Variants in HNF4G observed in about 807,000 individuals in gnomAD.
HNF4G encodes the protein hepatocyte nuclear factor 4-gamma.
Under a neutral mutation model 50.9 loss-of-function variants are expected in HNF4G, and 21 were observed. The ratio of observed to expected loss-of-function variants is 0.41; its 90% CI spans 0.29 to 0.59. The LOEUF is 0.59. Among genes scored for constraint, HNF4G ranks in the 20% least tolerant of loss-of-function variants. The pLI is 0.26. For synonymous variants in HNF4G, 198 were observed against 185.6 expected, an observed-to-expected ratio of 1.07 and a Z score of -0.54; for missense variants, 527 against 559.4, an observed-to-expected ratio of 0.94 and a Z score of 0.58.
At chr8:75,541,150 A>G (rs1371973277) in intron 1 of HNF4G, among the ~76,000 whole-genome samples, 1 of 152,108 alleles carries the variant, frequency 6.6e-6, no homozygotes, top group African/African-American at 2.4e-5. Flanking sequence ...TTTCATCAGA[A>G]TCCTGAATTT....
intron 2 of HNF4G, among the ~76,000 whole-genome samples, chr8:75,518,620 T>A (rs1165412558): frequency 6.6e-6 from 1 of 152,188 alleles, no homozygotes; most frequent in Non-Finnish European, 1.5e-5. Context: ...AGTTTGGGAC[T>A]TGCACACTCT....
At position 75,551,788 on chromosome 8, in the gene HNF4G, G is replaced by A. The variant is rs114338080; in HGVS notation, c.489+294G>A. Among the ~76,000 whole-genome samples the A allele has an allele frequency of 6.7e-3, 1,018 of 152,280 alleles. 11 individuals carry two copies. Among genetic ancestry groups the A allele is most frequent in the African/African-American group, 0.023 (959 of 41,568 alleles). ...AAAATAATGAATAGCACAAAGCTCT[G>A]TAGGCAGTATTTTATTTTATTGATG... On this transcript the variant is annotated intron_variant, in intron 4 of 9. Coordinates refer to ENST00000396423, the MANE Select transcript of HNF4G (RefSeq NM_004133.5).
At chr8:75,426,134 A>G (rs147190195) in intron 1 of HNF4G, among the ~76,000 whole-genome samples, 9 of 152,334 alleles carry the variant, frequency 5.9e-5, no homozygotes, top group African/African-American at 9.6e-5. Flanking sequence ...TTCTTTCCGT[A>G]TAAGCTTACT....
At chr8:75,520,715 A>C (rs1806016311) in intron 2 of HNF4G, among the ~76,000 whole-genome samples, 1 of 152,010 alleles carries the variant, frequency 6.6e-6, no homozygotes, top group African/African-American at 2.4e-5. Flanking sequence ...TGGGATTACA[A>C]GTGTGCACCA....
intron 2 of HNF4G, among the ~76,000 whole-genome samples, chr8:75,502,164 T>A (rs754480138): frequency 6.6e-6 from 1 of 152,200 alleles, no homozygotes; most frequent in Non-Finnish European, 1.5e-5. Context: ...AAGTCTATGT[T>A]CTTGGTGATT....
chr8:75,470,324 C>T (rs1484349147), intron 1 of HNF4G, among the ~76,000 whole-genome samples: 1 of 152,200 alleles, frequency 6.6e-6, no homozygotes, highest in African/African-American at 2.4e-5. Flanking sequence ...AAAATATAAT[C>T]ACTGTTCTTG....
intron 1 of HNF4G, among the ~76,000 whole-genome samples, chr8:75,483,041 T>G (rs1412896327): frequency 1.3e-5 from 2 of 152,192 alleles, no homozygotes; most frequent in Non-Finnish European, 2.9e-5. Context: ...TGAACACTTT[T>G]AAACTCAATG....
chr8:75,499,488 C>T (rs1181601234), intron 2 of HNF4G, among the ~76,000 whole-genome samples: 3 of 151,894 alleles, frequency 2.0e-5, no homozygotes, highest in African/African-American at 4.8e-5. Flanking sequence ...ATAGTCCTAA[C>T]AAAATTCCAG....
At chr8:75,473,081 G>T (rs540938778) in intron 1 of HNF4G, among the ~76,000 whole-genome samples, 1 of 152,026 alleles carries the variant, frequency 6.6e-6, no homozygotes, top group Non-Finnish European at 1.5e-5. Flanking sequence ...AGGCCGAGGC[G>T]GGTGGATCAC....
At chr8:75,459,621 C>A (rs373729394) in intron 1 of HNF4G, among the ~76,000 whole-genome samples, 1 of 152,256 alleles carries the variant, frequency 6.6e-6, no homozygotes, top group East Asian at 1.9e-4. Flanking sequence ...GACAAGTGAA[C>A]TCTGCTATAT....
chr8:75,543,889 C>A lies in HNF4G; in HGVS notation c.197C>A (p.Ala66Glu). ...NCLCAICGDR[A>E]TGKHYGASSC... is the part of the protein sequence containing the mutation. ...CTGTGTGCTATCTGTGGGGACAGAG[C>A]AACAGGAAAACACTATGGGGCATCC... The change falls in exon 2 of 10, where the codon GCA (alanine) becomes GAA (glutamate). Residue 66 changes from alanine (A) to glutamate (E), a missense_variant. Around this residue, in one of 5 missense-constraint regions of HNF4G, gnomAD observed 84 missense variants for 87.1 expected, o/e 0.96. Transcript: ENST00000396423. 1 of 1,613,704 alleles carries A rather than the reference C, an allele frequency of 6.2e-7. No individual in the cohort carries two copies. Among genetic ancestry groups the A allele is most frequent in the Non-Finnish European group, 8.5e-7 (1 of 1,179,782 alleles).
At chr8:75,515,714 A>G (rs758967178) in intron 2 of HNF4G, among the ~76,000 whole-genome samples, 1 of 152,004 alleles carries the variant, frequency 6.6e-6, no homozygotes, top group Non-Finnish European at 1.5e-5. Context: ...TTTTTCTTCT[A>G]TTTGGGGCCC....
intron 1 of HNF4G, among the ~76,000 whole-genome samples, chr8:75,465,291 G>C (rs1212004277): frequency 1.3e-5 from 2 of 152,062 alleles, no homozygotes; most frequent in Non-Finnish European, 2.9e-5. Flanking sequence ...CATAAATCAT[G>C]GTTGTCAACT....
intron 1 of HNF4G, among the ~76,000 whole-genome samples, chr8:75,481,632 A>C (rs1394881844): frequency 6.6e-6 from 1 of 152,188 alleles, no homozygotes; most frequent in Non-Finnish European, 1.5e-5. Context: ...GTGGGACCCC[A>C]AGGCACTTTC....
chr8:75,527,041 G>C (rs1023549665), intron 2 of HNF4G: 1 of 152,216 alleles, frequency 6.6e-6, no homozygotes, highest in African/African-American at 2.4e-5. Context: ...CTCCCAAAGT[G>C]CTGGGATTAC....
At chr8:75,418,831 G>A (rs1322255473) in intron 1 of HNF4G, among the ~76,000 whole-genome samples, 2 of 149,930 alleles carry the variant, frequency 1.3e-5, no homozygotes, top group African/African-American at 4.9e-5. Flanking sequence ...GGGTTCAAGC[G>A]ATTTTCCTGC....
upstream of HNF4G, among the ~76,000 whole-genome samples, chr8:75,535,817 C>A (rs1451249139): frequency 2.0e-5 from 3 of 151,752 alleles, no homozygotes. Flanking sequence ...AAGTATGGAA[C>A]AATTTAAATG....
chr8:75,484,279 T>A (rs558901430), intron 1 of HNF4G, among the ~76,000 whole-genome samples: 9 of 152,340 alleles, frequency 5.9e-5, no homozygotes, highest in African/African-American at 4.8e-5. Context: ...AAACAGTCAT[T>A]ACGAATCATG....
intron 1 of HNF4G, among the ~76,000 whole-genome samples, chr8:75,466,820 A>G (rs1812000462): frequency 6.6e-6 from 1 of 151,916 alleles, no homozygotes; most frequent in African/African-American, 2.4e-5. Flanking sequence ...AGTAGCTGGG[A>G]CTACAGGTGC....
Sources: allele counts gnomAD v4.1 joint callset (sites outside exome capture counted in the v4.1 genomes callset), GRCh38; gene constraint gnomAD v4.1.1; regional missense constraint gnomAD v4.1.1; transcripts MANE v1.5; gene names NCBI Gene and HGNC (gene_info 2026-07-23, HGNC 2026-07-21).